The following CTCF variants were observed in gnomAD, a reference collection of about 807,000 sequenced individuals.
CTCF encodes transcriptional repressor CTCF.
CTCF carries 7 observed loss-of-function variants against 72.3 expected under a neutral mutation model. The ratio of observed to expected loss-of-function variants is 0.10; its 90% CI spans 0.06 to 0.18. The LOEUF (loss-of-function observed/expected upper bound fraction) is 0.18, where lower values mean the gene tolerates loss of function less well. CTCF is among the 10% of genes least tolerant of loss of function. The pLI is 1.00. For synonymous variants in CTCF, 374 were observed against 315.8 expected (o/e 1.18, Z -1.95); for missense variants, 516 against 949.1 (o/e 0.54, Z 6.00).
intron 7 of CTCF, among the ~76,000 whole-genome samples, chr16:67,622,233 G>A (rs1379069139): frequency 1.3e-5 from 2 of 151,918 alleles, no homozygotes; most frequent in Admixed American, 1.3e-4. Context: ...GTGGGCGCCT[G>A]TAGTCCCAGC....
intron 7 of CTCF, among the ~76,000 whole-genome samples, chr16:67,625,225 G>A (rs1324034305): frequency 6.6e-6 from 1 of 151,456 alleles, no homozygotes; most frequent in Non-Finnish European, 1.5e-5. Flanking sequence ...AGTCTTTGTC[G>A]CCCAGGCTAG....
chr16:67,571,907 C>T (rs2033247514), intron 2 of CTCF, among the ~76,000 whole-genome samples: 1 of 152,108 alleles, frequency 6.6e-6, no homozygotes, highest in South Asian at 2.1e-4. Context: ...ATATTGGAAT[C>T]TACTATGCTT....
chr16:67,589,491 C>T (rs2051710536), intron 2 of CTCF, among the ~76,000 whole-genome samples: 1 of 152,092 alleles, frequency 6.6e-6, no homozygotes, highest in African/African-American at 2.4e-5. Flanking sequence ...GTAGCAATTC[C>T]TTTCCTTAAA....
chr16:67,595,365 TAGTC>T (rs1196662130), intron 2 of CTCF, among the ~76,000 whole-genome samples: 3 of 152,208 alleles, frequency 2.0e-5, no homozygotes, highest in African/African-American at 7.2e-5. Context: ...TTCCTGGATT[TAGTC>T]AGTCACCAGC....
At chr16:67,617,225 C>G (rs7186969) in intron 5 of CTCF, among the ~76,000 whole-genome samples, 6,632 of 151,578 alleles carry the variant, frequency 0.044, 477 homozygotes, top group African/African-American at 0.15. Flanking sequence ...TAGGCTGGGC[C>G]TGGTGGCTCA....
Position 67,637,947 on chromosome 16 carries a change from C to T in CTCF, c.*75C>T. On this transcript the variant is annotated 3_prime_UTR_variant, in exon 12 of 12. Transcript: ENST00000264010. ...GCCCGCATCTTAATTTTTCTCCCTT[C>T]TTTCTTTTTTTGGCTTTGGGAAAAG... The T allele has an allele frequency of 7.5e-7, 1 of 1,326,448 alleles. No individual in the cohort carries two copies. Among genetic ancestry groups the T allele is most frequent in the Non-Finnish European group, 1.0e-6 (1 of 994,262 alleles). The allele number at this position is 1,326,448 out of a possible 1,614,324, so 82.2% of individuals were successfully genotyped here. A position where few individuals can be genotyped will look rare whatever the true frequency, so the allele number is the denominator to read the frequency against.
chr16:67,629,757 T>C (rs1201144691), intron 10 of CTCF, among the ~76,000 whole-genome samples: 3 of 44,628 alleles, frequency 6.7e-5, no homozygotes, highest in Non-Finnish European at 1.3e-4. Flanking sequence ...TTTTTTTTTT[T>C]TTTTTTTTTT....
intron 2 of CTCF, among the ~76,000 whole-genome samples, chr16:67,574,009 G>A (rs959298116): frequency 7.9e-5 from 12 of 151,624 alleles, no homozygotes; most frequent in Admixed American, 4.6e-4. Context: ...CTGGCTTGGC[G>A]ACAAGGCGAG....
At chr16:67,590,113 C>CTT (rs201207895) in intron 2 of CTCF, among the ~76,000 whole-genome samples, 3 of 141,568 alleles carry the variant, frequency 2.1e-5, no homozygotes, top group Admixed American at 7.2e-5. Context: ...ACAGTTAGAA[C>CTT]TTTTTTTTTT....
At chr16:67,604,251 G>A (rs1160671813) in intron 2 of CTCF, among the ~76,000 whole-genome samples, 1 of 152,108 alleles carries the variant, frequency 6.6e-6, no homozygotes, top group Non-Finnish European at 1.5e-5. Context: ...GGAGGTTACA[G>A]TGAGCTGTGA....
At chr16:67,637,662 G>C in intron 11 of CTCF, 26 bp from the exon 12 acceptor site, 4 of 1,592,934 alleles carry the variant, frequency 2.5e-6, no homozygotes, top group Non-Finnish European at 3.4e-6. Flanking sequence ...TGGACCATTT[G>C]TTCTGTCTGT....
At chr16:67,625,242 G>A (rs1028193403) in intron 7 of CTCF, among the ~76,000 whole-genome samples, 1 of 151,956 alleles carries the variant, frequency 6.6e-6, no homozygotes, top group Admixed American at 6.6e-5. Flanking sequence ...CTAGAGTACA[G>A]TGCAGTAGCA....
intron 2 of CTCF, among the ~76,000 whole-genome samples, chr16:67,603,394 G>GTGCT (rs2051923957): frequency 6.6e-6 from 1 of 151,892 alleles, no homozygotes; most frequent in Non-Finnish European, 1.5e-5. Context: ...TTAGCTGGGA[G>GTGCT]TGCTGGTGGG....
chr16:67,601,385 C>G (rs929363495), intron 2 of CTCF, among the ~76,000 whole-genome samples: 1 of 150,888 alleles, frequency 6.6e-6, no homozygotes. Context: ...GTCACCCAGC[C>G]TGGAGTGCAG....
At chr16:67,589,233 G>A (rs190912495) in intron 2 of CTCF, among the ~76,000 whole-genome samples, 1 of 152,252 alleles carries the variant, frequency 6.6e-6, no homozygotes, top group African/African-American at 2.4e-5. Context: ...GGAGTTCAAG[G>A]CTGTGGCAAG....
intron 10 of CTCF, among the ~76,000 whole-genome samples, chr16:67,633,517 G>T (rs776708396): frequency 6.6e-6 from 1 of 152,120 alleles, no homozygotes; most frequent in Non-Finnish European, 1.5e-5. Flanking sequence ...GTACAGCTGG[G>T]AATTAAGTCC....
At chr16:67,635,043 G>A (rs2052411689) in intron 10 of CTCF, among the ~76,000 whole-genome samples, 2 of 150,504 alleles carry the variant, frequency 1.3e-5, no homozygotes, top group African/African-American at 4.9e-5. Flanking sequence ...GTTTTTTTGA[G>A]ACGGAGTCTT....
At chr16:67,579,544 A>T (rs549633375) in intron 2 of CTCF, among the ~76,000 whole-genome samples, 1 of 151,726 alleles carries the variant, frequency 6.6e-6, no homozygotes, top group African/African-American at 2.4e-5. Flanking sequence ...TTTTTAGTAG[A>T]TACAGGGTTT....
At chr16:67,590,960 CAAAAA>C (rs58183374) in intron 2 of CTCF, among the ~76,000 whole-genome samples, 1,543 of 55,088 alleles carry the variant, frequency 0.028, 7 homozygotes, top group Admixed American at 0.048. Context: ...GACTCTGTCT[CAAAAA>C]AAAAAAAAAA....
Sources: gnomAD v4.1 joint callset for allele counts (sites outside exome capture counted in the v4.1 genomes callset) on GRCh38, gnomAD v4.1.1 for gene constraint, MANE v1.5 for transcripts, NCBI Gene and HGNC (gene_info 2026-07-23, HGNC 2026-07-21) for gene names.